Variants in HIRA observed in about 807,000 individuals in gnomAD.
The protein encoded by HIRA is histone cell cycle regulator.
A neutral mutation model predicts 126.6 loss-of-function variants in HIRA; 13 were observed. The ratio of observed to expected loss-of-function variants is 0.10; its 90% CI spans 0.07 to 0.16. HIRA has a LOEUF of 0.16. HIRA is among the 10% of genes least tolerant of loss of function. The probability of loss-of-function intolerance (pLI) is 1.00; values close to 1 mark genes in which losing one functional copy is unlikely to be tolerated. For synonymous variants in HIRA, 511 were observed against 520.0 expected, an observed-to-expected ratio of 0.98 and a Z score of 0.24; for missense variants, 834 against 1,314.4, an observed-to-expected ratio of 0.63 and a Z score of 5.65.
At chr22:19,378,714 ACT>A (rs1778908021) in intron 13 of HIRA, among the ~76,000 whole-genome samples, 1 of 152,214 alleles carries the variant, frequency 6.6e-6, no homozygotes, top group Non-Finnish European at 1.5e-5. Flanking sequence ...GGTGTAGGAC[ACT>A]CTTAGAACAC....
intron 2 of HIRA, among the ~76,000 whole-genome samples, chr22:19,409,528 C>T (rs2089334799): frequency 6.6e-6 from 1 of 152,156 alleles, no homozygotes; most frequent in South Asian, 2.1e-4. Context: ...GATGATTCGC[C>T]TGCCTTGGCC....
At chr22:19,335,139 C>T (rs1201654544) in intron 24 of HIRA, among the ~76,000 whole-genome samples, 2 of 152,126 alleles carry the variant, frequency 1.3e-5, no homozygotes, top group African/African-American at 4.8e-5. Flanking sequence ...CTTTCATATC[C>T]CCACTCCTGG....
intron 1 of HIRA, among the ~76,000 whole-genome samples, chr22:19,426,131 C>T (rs971750831): frequency 6.6e-6 from 1 of 152,200 alleles, no homozygotes; most frequent in African/African-American, 2.4e-5. Flanking sequence ...GTCTTTAGTG[C>T]CTCTCTATTT....
intron 15 of HIRA, among the ~76,000 whole-genome samples, chr22:19,375,152 A>C (rs752692941): frequency 2.6e-5 from 4 of 152,226 alleles, no homozygotes; most frequent in Admixed American, 6.5e-5. Flanking sequence ...CATAGTGTCC[A>C]CAAGAGCTCA....
At chr22:19,367,832 T>A (rs776163019) in intron 15 of HIRA, among the ~76,000 whole-genome samples, 1 of 152,232 alleles carries the variant, frequency 6.6e-6, no homozygotes, top group Non-Finnish European at 1.5e-5. Context: ...ATATTTTTGA[T>A]CCATAGTTGG....
At chr22:19,388,300 G>A (rs898201229) in intron 10 of HIRA, among the ~76,000 whole-genome samples, 184 bp downstream of exon 10, 1 of 152,114 alleles carries the variant, frequency 6.6e-6, no homozygotes, top group Non-Finnish European at 1.5e-5. Context: ...GGACATTCTC[G>A]CAGCAGCAGG....
chr22:19,416,059 C>G (rs2871028), intron 1 of HIRA, among the ~76,000 whole-genome samples: 61,278 of 151,990 alleles, frequency 0.4, 14,256 homozygotes, highest in Non-Finnish European at 0.52. Flanking sequence ...CAACAGAATA[C>G]AGAGCCCAGA....
intron 10 of HIRA, 85 bp downstream of exon 10, chr22:19,388,399 A>T: frequency 9.5e-7 from 1 of 1,049,490 alleles, no homozygotes; most frequent in Non-Finnish European, 1.5e-6. Context: ...TGGCCACCTG[A>T]CCCTAGTCAC....
chr22:19,355,871 G>A lies in HIRA; in HGVS notation c.2456-6C>T, dbSNP rs781828455. The A allele has an allele frequency of 1.4e-5, 22 of 1,593,844 alleles. No homozygotes were observed. In the South Asian group the frequency reaches 2.3e-4, roughly 17 times the overall value. On this transcript the variant is annotated splice_region_variant and splice_polypyrimidine_tract_variant and intron_variant, in intron 20 of 24. Coordinates refer to ENST00000263208, the MANE Select transcript of HIRA (RefSeq NM_003325.4). Reference sequence around the variant, plus strand: ...TGATACCGTCATATCACTTCCTGAGGACAGCATGGGAATGAGTTCTGGGTG... The same window carrying A: ...TGATACCGTCATATCACTTCCTGAGAACAGCATGGGAATGAGTTCTGGGTG...
chr22:19,420,075 C>T (rs904522671), intron 1 of HIRA, among the ~76,000 whole-genome samples: 14 of 150,878 alleles, frequency 9.3e-5, no homozygotes, highest in Admixed American at 3.3e-4. Flanking sequence ...TGTGTGCACG[C>T]GCCACAAACT....
intron 1 of HIRA, among the ~76,000 whole-genome samples, chr22:19,411,643 T>A (rs558483674): frequency 3.5e-4 from 54 of 152,340 alleles, no homozygotes; most frequent in African/African-American, 1.3e-3. Flanking sequence ...GCAGTAATAT[T>A]TGTTCATTGA....
rs187930885 is a variant in HIRA, at chr22:19,422,125, A to G, written c.37+9315T>C. Among the ~76,000 whole-genome samples the G allele has an allele frequency of 6.6e-5, 10 of 151,454 alleles. No homozygotes were observed. In the East Asian group the frequency reaches 1.9e-3, roughly 30 times the overall value. ...TCAAAAGTCAACACATTATACATTTAAGGTCTGGACATTTTATTTATACCT... is the reference window on the plus strand; with the variant it reads ...TCAAAAGTCAACACATTATACATTTGAGGTCTGGACATTTTATTTATACCT... On this transcript the variant is annotated intron_variant, in intron 1 of 24. Coordinates refer to ENST00000263208, the MANE Select transcript of HIRA (RefSeq NM_003325.4).
Position 19,392,034 on chromosome 22 carries a change from C to T in HIRA, c.936+67G>A, listed in dbSNP as rs568046294. On this transcript the variant is annotated intron_variant, in intron 9 of 24. Coordinates refer to ENST00000263208, the MANE Select transcript of HIRA (RefSeq NM_003325.4). Reference sequence around the variant, plus strand: ...GCATCACCCAAAGCAGGTCTCTTTCCTCCACTTGCTACTTTACCAACCTAC... The same window carrying T: ...GCATCACCCAAAGCAGGTCTCTTTCTTCCACTTGCTACTTTACCAACCTAC... 1.8e-5 allele frequency: 16 copies of T among 887,274 alleles called. No homozygotes were observed. The East Asian group carries it at 3.7e-4, about 21-fold the overall frequency. 55.0% of individuals were successfully genotyped at this position (887,274 alleles called of 1,614,324 possible).
intron 5 of HIRA, among the ~76,000 whole-genome samples, chr22:19,404,783 C>A (rs992499707): frequency 1.3e-5 from 2 of 152,178 alleles, no homozygotes; most frequent in Non-Finnish European, 2.9e-5. Context: ...TCCTTAGGGT[C>A]TCAGCAGAGG....
chr22:19,357,148 A>C, intron 18 of HIRA, 97 bp from the exon 19 acceptor site: 1 of 1,399,530 alleles, frequency 7.1e-7, no homozygotes, highest in Non-Finnish European at 1.0e-6. Context: ...CCTGGGCCCA[A>C]CAAGGGCCTC....
intron 14 of HIRA, among the ~76,000 whole-genome samples, chr22:19,377,156 G>A (rs2089027138): frequency 6.6e-6 from 1 of 152,150 alleles, no homozygotes; most frequent in Non-Finnish European, 1.5e-5. Flanking sequence ...TGAGATACCA[G>A]CCCCTCTTTG....
chr22:19,368,802 A>G (rs1057200104), intron 15 of HIRA, among the ~76,000 whole-genome samples: 2 of 152,078 alleles, frequency 1.3e-5, no homozygotes, highest in Non-Finnish European at 2.9e-5. Context: ...TGGCTTCCTG[A>G]GCTCACCACA....
At chr22:19,413,472 G>C (rs539502813) in intron 1 of HIRA, among the ~76,000 whole-genome samples, 5 of 152,214 alleles carry the variant, frequency 3.3e-5, no homozygotes, top group African/African-American at 1.2e-4. Flanking sequence ...ATGCAGATTA[G>C]ATGAAATATG....
intron 1 of HIRA, among the ~76,000 whole-genome samples, chr22:19,423,328 C>T (rs769618117): frequency 6.6e-6 from 1 of 152,118 alleles, no homozygotes; most frequent in Non-Finnish European, 1.5e-5. Context: ...CACATCTCCT[C>T]TTTTCCACTT....
Sources: allele counts gnomAD v4.1 joint callset (sites outside exome capture counted in the v4.1 genomes callset), GRCh38; gene constraint gnomAD v4.1.1; transcripts MANE v1.5; gene names NCBI Gene and HGNC (gene_info 2026-07-23, HGNC 2026-07-21).